Variants in BANK1 observed in about 807,000 individuals in gnomAD.
BANK1 encodes B-cell scaffold protein with ankyrin repeats.
BANK1 carries 95 observed loss-of-function variants against 94.5 expected under a neutral mutation model. The observed-to-expected ratio is 1.00, with a 90% CI of 0.85 to 1.19. BANK1 has a LOEUF of 1.19. Among genes scored for constraint, BANK1 ranks in the 50% most tolerant of loss-of-function variants. The pLI, the probability that BANK1 is intolerant of heterozygous loss-of-function variation, is 0.00. For synonymous variants in BANK1, 334 were observed against 308.4 expected (o/e 1.08, Z -0.87); for missense variants, 987 against 932.2 (o/e 1.06, Z -0.77).
At chr4:101,922,671 C>T (rs1465416546) in intron 7 of BANK1, among the ~76,000 whole-genome samples, 2 of 151,806 alleles carry the variant, frequency 1.3e-5, no homozygotes, top group East Asian at 3.9e-4. Context: ...GACAGCCCTA[C>T]TGCTTGTCTT....
chr4:102,043,464 C>CA (rs1727770498), intron 10 of BANK1, among the ~76,000 whole-genome samples: 1 of 151,998 alleles, frequency 6.6e-6, no homozygotes, highest in Non-Finnish European at 1.5e-5. Context: ...TGCTTATCAT[C>CA]AAAAAGTCAG....
intron 7 of BANK1, among the ~76,000 whole-genome samples, chr4:102,000,310 G>A (rs899566140): frequency 2.9e-5 from 3 of 103,520 alleles, no homozygotes; most frequent in East Asian, 3.0e-4. Context: ...GTGGCAGAGC[G>A]AAACTCTGTC....
At chr4:102,055,577 T>C (rs1023241571) in intron 11 of BANK1, among the ~76,000 whole-genome samples, 5 of 152,058 alleles carry the variant, frequency 3.3e-5, no homozygotes, top group Non-Finnish European at 5.9e-5. Context: ...TATACGTACA[T>C]GCCAGAAAAC....
chr4:101,932,452 G>T (rs543324418), intron 7 of BANK1, among the ~76,000 whole-genome samples: 1 of 151,418 alleles, frequency 6.6e-6, no homozygotes, highest in South Asian at 2.1e-4. Context: ...TAGTTGTCCT[G>T]TTGTAAGTTT....
chr4:101,808,854 A>G (rs773141117), intron 1 of BANK1, among the ~76,000 whole-genome samples: 1 of 152,168 alleles, frequency 6.6e-6, no homozygotes, highest in Non-Finnish European at 1.5e-5. Context: ...AAAAAAATAG[A>G]TGTTGGAGTC....
At chr4:101,947,322 T>TATATATATATATG (rs1578414544) in intron 7 of BANK1, among the ~76,000 whole-genome samples, 1 of 141,450 alleles carries the variant, frequency 7.1e-6, no homozygotes, top group African/African-American at 2.6e-5. Context: ...TGTATATGTA[T>TATATATATATATG]TATGTATTAT....
chr4:101,811,172 G>A (rs1057037133), intron 1 of BANK1, among the ~76,000 whole-genome samples: 1 of 152,132 alleles, frequency 6.6e-6, no homozygotes, highest in East Asian at 1.9e-4. Flanking sequence ...ATTAAATAAG[G>A]CCCCATTCCA....
chr4:101,987,751 T>G (rs1295860964), intron 7 of BANK1, among the ~76,000 whole-genome samples: 1 of 152,186 alleles, frequency 6.6e-6, no homozygotes, highest in Non-Finnish European at 1.5e-5. Context: ...TGATACAGGT[T>G]TGTGAGAGTC....
chr4:101,795,775 A>C (rs557901799), intron 1 of BANK1, among the ~76,000 whole-genome samples: 1 of 152,304 alleles, frequency 6.6e-6, no homozygotes, highest in African/African-American at 2.4e-5. Context: ...ACTTATTTGT[A>C]GGTCAGAGAC....
At chr4:102,026,130 C>T (rs375044869) in intron 9 of BANK1, among the ~76,000 whole-genome samples, 3 of 152,070 alleles carry the variant, frequency 2.0e-5, no homozygotes, top group Admixed American at 6.6e-5. Flanking sequence ...TGTTCCCAGA[C>T]GAAGGAATTG....
intron 7 of BANK1, among the ~76,000 whole-genome samples, chr4:101,994,650 C>T (rs1440804607): frequency 1.3e-5 from 2 of 152,132 alleles, no homozygotes; most frequent in Non-Finnish European, 2.9e-5. Flanking sequence ...CCAACTCCCT[C>T]ATTTTGTAGA....
chr4:101,915,767 A>G (rs1722807595), intron 6 of BANK1, among the ~76,000 whole-genome samples: 1 of 152,064 alleles, frequency 6.6e-6, no homozygotes, highest in Admixed American at 6.6e-5. Flanking sequence ...TCCTTTGTGC[A>G]TTTTGTTTAC....
chr4:101,994,562 C>T (rs1383737724), intron 7 of BANK1, among the ~76,000 whole-genome samples: 1 of 152,000 alleles, frequency 6.6e-6, no homozygotes, highest in African/African-American at 2.4e-5. Flanking sequence ...TGGCTACATG[C>T]TGTTGTACAT....
intron 10 of BANK1, among the ~76,000 whole-genome samples, chr4:102,042,954 CTG>C (rs777051142): frequency 6.6e-6 from 1 of 152,030 alleles, no homozygotes; most frequent in Non-Finnish European, 1.5e-5. Context: ...AACAACAACT[CTG>C]AGATCATTGC....
intron 7 of BANK1, among the ~76,000 whole-genome samples, chr4:102,000,015 A>G (rs1411192657): frequency 6.6e-6 from 1 of 152,190 alleles, no homozygotes; most frequent in Non-Finnish European, 1.5e-5. Context: ...CCAAACCTAT[A>G]CACTTTTGAA....
chr4:101,925,014 C>A (rs183428490), intron 7 of BANK1, among the ~76,000 whole-genome samples: 231 of 151,570 alleles, frequency 1.5e-3, no homozygotes, highest in Middle Eastern at 0.01. Context: ...AGAATAATGA[C>A]CCTTTTGATA....
At chr4:101,998,945 T>G (rs1725969272) in intron 7 of BANK1, among the ~76,000 whole-genome samples, 1 of 152,168 alleles carries the variant, frequency 6.6e-6, no homozygotes. Context: ...TCTGCTTGCT[T>G]TATTAACAGC....
chr4:101,875,334 C>T (rs1728448897), intron 5 of BANK1, among the ~76,000 whole-genome samples: 2 of 152,104 alleles, frequency 1.3e-5, no homozygotes, highest in Admixed American at 6.5e-5. Flanking sequence ...TGTATTAATC[C>T]ATTCTCACAC....
chr4:101,813,758 C>T (rs748115623), intron 1 of BANK1: 14 of 426,862 alleles, frequency 3.3e-5, no homozygotes, highest in South Asian at 9.8e-5. Flanking sequence ...GAACATAGGC[C>T]GCAGGAGGCC....
Sources: gnomAD v4.1 joint callset for allele counts (sites outside exome capture counted in the v4.1 genomes callset) on GRCh38, gnomAD v4.1.1 for gene constraint, MANE v1.5 for transcripts, NCBI Gene and HGNC (gene_info 2026-07-23, HGNC 2026-07-21) for gene names.